Variants in CDH11 observed in about 807,000 individuals in gnomAD.
CDH11 encodes cadherin-11.
A neutral mutation model predicts 67.8 loss-of-function variants in CDH11; 11 were observed. The observed-to-expected ratio is 0.16, with a 90% CI of 0.10 to 0.27. The LOEUF (loss-of-function observed/expected upper bound fraction) is 0.27, where lower values mean the gene tolerates loss of function less well. Ranked by LOEUF, CDH11 falls within the 10% of genes least tolerant of loss-of-function variation. The pLI is 1.00. For missense variants in CDH11, 847 were observed against 1,031.2 expected (o/e 0.82, Z 2.45); for synonymous variants, 419 against 400.0 (o/e 1.05, Z -0.57).
chr16:65,091,732 T>C lies in CDH11; in HGVS notation c.-298+30148A>G, dbSNP rs572900031. ...ACGCCCGGCTAATTTTTTGTATTTT[T>C]AGTAGAGACAGCGTTTCACCGTGTT... On this transcript the variant is annotated intron_variant, in intron 1 of 12. Coordinates refer to ENST00000268603, the MANE Select transcript of CDH11 (RefSeq NM_001797.4). 5.1e-4 allele frequency among the ~76,000 whole-genome samples: 78 copies of C among 152,134 alleles called. 1 individual carries two copies. The East Asian group carries it at 0.015, about 28-fold the overall frequency.
chr16:65,074,282 G>A (rs776263527), intron 1 of CDH11, among the ~76,000 whole-genome samples: 3 of 152,050 alleles, frequency 2.0e-5, no homozygotes, highest in South Asian at 2.1e-4. Flanking sequence ...GTGCCAGCTC[G>A]ATATACCCAA....
chr16:65,011,596 C>T (rs1247815140), intron 2 of CDH11, among the ~76,000 whole-genome samples: 3 of 152,060 alleles, frequency 2.0e-5, no homozygotes, highest in Non-Finnish European at 4.4e-5. Flanking sequence ...ACAATGTGTG[C>T]AATGAAGAAC....
In CDH11 at chr16:64,958,254, T is replaced by C. The variant is rs148268534; in HGVS notation, c.1643-7236A>G. On this transcript the variant is annotated intron_variant, in intron 11 of 12. Coordinates refer to ENST00000268603, the MANE Select transcript of CDH11 (RefSeq NM_001797.4). ...CTTTCCAATGAATCTCATATCAGTC[T>C]GACTTTTCCACACAGTCAGAGTTTA... is the stretch of plus-strand genomic sequence containing the variant. 2.2e-3 allele frequency among the ~76,000 whole-genome samples: 339 copies of C among 152,350 alleles called. 3 individuals carry two copies. The highest frequency in any genetic ancestry group is 7.5e-3 in the African/African-American group (311 of 41,586).
intron 1 of CDH11, among the ~76,000 whole-genome samples, chr16:65,111,492 G>C (rs2075154003): frequency 6.6e-6 from 1 of 152,058 alleles, no homozygotes; most frequent in Non-Finnish European, 1.5e-5. Context: ...CAGCACATAA[G>C]GAAAAAGAAA....
chr16:64,961,272 A>C (rs1435281481), intron 11 of CDH11, among the ~76,000 whole-genome samples: 2 of 152,194 alleles, frequency 1.3e-5, no homozygotes, highest in African/African-American at 4.8e-5. Context: ...GCTACTCTTA[A>C]AATTGATTTA....
chr16:65,034,830 T>C (rs1030260517), intron 2 of CDH11, among the ~76,000 whole-genome samples: 3 of 152,150 alleles, frequency 2.0e-5, no homozygotes, highest in Admixed American at 1.3e-4. Flanking sequence ...TATAGGGTCC[T>C]TGGGGTCCAG....
In CDH11 at chr16:64,945,895, T is replaced by G; in HGVS notation, c.*1708A>C. 1 of 1,056,712 alleles carries G rather than the reference T, an allele frequency of 9.5e-7. No individual in the cohort carries two copies. The highest frequency in any genetic ancestry group is 1.1e-6 in the Non-Finnish European group (1 of 873,948). 65.5% of individuals were successfully genotyped at this position (1,056,712 alleles called of 1,614,324 possible). On this transcript the variant is annotated 3_prime_UTR_variant, in exon 13 of 13. Transcript: ENST00000268603. The stretch of plus-strand genomic sequence containing the variant: ...AATCCAAGAAAAAGCACGTGCCCTG[T>G]GTGTAGGGGGAAAGAGGGAAAGCAC...
At chr16:65,037,116 G>A (rs2073769538) in intron 2 of CDH11, among the ~76,000 whole-genome samples, 1 of 152,144 alleles carries the variant, frequency 6.6e-6, no homozygotes, top group Non-Finnish European at 1.5e-5. Context: ...AAACCCGATA[G>A]CTCAGGCAGA....
intron 4 of CDH11, among the ~76,000 whole-genome samples, chr16:64,997,655 G>A (rs1009396999): frequency 2.6e-5 from 4 of 152,164 alleles, no homozygotes; most frequent in Non-Finnish European, 5.9e-5. Context: ...AATGGTTCAG[G>A]CTGGCTTTTG....
At chr16:65,054,287 G>T (rs1057417274) in intron 1 of CDH11, among the ~76,000 whole-genome samples, 39 of 152,200 alleles carry the variant, frequency 2.6e-4, no homozygotes, top group African/African-American at 9.4e-4. Context: ...GCCCATTTCT[G>T]ATAGAACCTA....
rs905278457 is a variant in CDH11 at position 65,044,454 on chromosome 16, G to A, written c.-173+9350C>T. 2.6e-5 allele frequency among the ~76,000 whole-genome samples: 4 copies of A among 152,078 alleles called. No individual in the cohort carries two copies. The South Asian group carries it at 8.3e-4, about 32-fold the overall frequency. On this transcript the variant is annotated intron_variant, in intron 2 of 12. Transcript: ENST00000268603. ...CTTTAAACCAAAATGGTCATAAACT[G>A]TAATTTTTTTTTAATGGAAAAGGGG...
intron 2 of CDH11, among the ~76,000 whole-genome samples, chr16:65,014,697 G>T (rs925302628): frequency 6.6e-6 from 1 of 151,566 alleles, no homozygotes; most frequent in Non-Finnish European, 1.5e-5. Context: ...GAGAAAAAGG[G>T]GCCATTCTTG....
chr16:64,965,979 T>A (rs1271506415), intron 11 of CDH11, among the ~76,000 whole-genome samples: 2 of 151,938 alleles, frequency 1.3e-5, no homozygotes, highest in Admixed American at 1.3e-4. Context: ...GCTCAAACTC[T>A]AGGTCAACCC....
intron 1 of CDH11, among the ~76,000 whole-genome samples, chr16:65,113,161 CTA>C (rs1209531231): frequency 1.3e-5 from 2 of 152,028 alleles, no homozygotes; most frequent in Admixed American, 1.3e-4. Context: ...TGGCACGTGC[CTA>C]TAGTCTCAGC....
intron 4 of CDH11, among the ~76,000 whole-genome samples, chr16:64,994,279 C>T (rs2072711210): frequency 6.6e-6 from 1 of 152,118 alleles, no homozygotes; most frequent in South Asian, 2.1e-4. Context: ...AAGGAAAATA[C>T]CATCATGGTG....
chr16:64,988,394 T>G (rs1597058500), intron 6 of CDH11, 50 bp from the exon 7 acceptor site: 1 of 1,468,450 alleles, frequency 6.8e-7, no homozygotes, highest in Non-Finnish European at 9.3e-7. Context: ...TTGGCAGCTG[T>G]AAGACTATAG....
At chr16:65,052,260 C>T (rs997040550) in intron 2 of CDH11, among the ~76,000 whole-genome samples, 1 of 152,100 alleles carries the variant, frequency 6.6e-6, no homozygotes, top group African/African-American at 2.4e-5. Context: ...TAAGTCCTGT[C>T]CTCAAAAATC....
chr16:65,036,459 A>G (rs1282461622), intron 2 of CDH11, among the ~76,000 whole-genome samples: 1 of 152,130 alleles, frequency 6.6e-6, no homozygotes, highest in Non-Finnish European at 1.5e-5. Context: ...GTTTGCAAAT[A>G]AAGAGATTGA....
chr16:64,969,630 A>T (rs911739910), intron 11 of CDH11, among the ~76,000 whole-genome samples: 5 of 152,232 alleles, frequency 3.3e-5, no homozygotes, highest in African/African-American at 1.2e-4. Flanking sequence ...GCAGTCTGTC[A>T]ATTCAAGGTG....
Sources: gnomAD v4.1 joint callset for allele counts (sites outside exome capture counted in the v4.1 genomes callset) on GRCh38, gnomAD v4.1.1 for gene constraint, MANE v1.5 for transcripts, NCBI Gene and HGNC (gene_info 2026-07-23, HGNC 2026-07-21) for gene names.